SPMIP1: variants seen among roughly 807,000 people sequenced by gnomAD.
SPMIP1 encodes sperm microtubule inner protein 1.
At chr7:128,866,800 A>T in the SPMIP1 span, 4 of 1,534,736 alleles carry the variant, frequency 2.6e-6, no homozygotes, top group South Asian at 4.8e-5. Flanking sequence ...CTTCCCCATC[A>T]CCACCAGCTT....
the SPMIP1 span, among the ~76,000 whole-genome samples, chr7:128,867,527 G>C: frequency 6.6e-6 from 1 of 152,064 alleles, no homozygotes. Context: ...ATTGAAGTCA[G>C]AGCTGAAGAT....
At chr7:128,866,623 C>T in the SPMIP1 span, 2 of 1,535,332 alleles carry the variant, frequency 1.3e-6, no homozygotes, top group Middle Eastern at 1.7e-4. Context: ...CAAGTCAGCC[C>T]CTTCCAAGGT....
chr7:128,866,832 T>TGAGC, the SPMIP1 span: 1 of 1,530,902 alleles, frequency 6.5e-7, no homozygotes, highest in African/African-American at 1.4e-5. Flanking sequence ...GGCAGCTGGG[T>TGAGC]GAGCCCAACC....
chr7:128,866,837 C>G, the SPMIP1 span: 21 of 1,527,944 alleles, frequency 1.4e-5, no homozygotes, highest in Non-Finnish European at 1.8e-5. Context: ...CTGGGTGAGC[C>G]CAACCTCTTG....
chr7:128,869,866 G>C, the SPMIP1 span: 1 of 152,500 alleles, frequency 6.6e-6, no homozygotes, highest in African/African-American at 2.4e-5. Flanking sequence ...CCCGGTGCGG[G>C]GCCCACTCCA....
the SPMIP1 span, chr7:128,870,031 G>T: frequency 5.3e-5 from 8 of 152,210 alleles, no homozygotes; most frequent in African/African-American, 1.9e-4. Context: ...GGGGCTTCGG[G>T]CGGGTAAGCG....
chr7:128,868,126 G>A, the SPMIP1 span, among the ~76,000 whole-genome samples: 1 of 152,356 alleles, frequency 6.6e-6, no homozygotes, highest in East Asian at 1.9e-4. Context: ...GCTGCTGGGC[G>A]ATGTTGCTGC....
chr7:128,870,200 C>G, the SPMIP1 span: 1 of 152,478 alleles, frequency 6.6e-6, no homozygotes, highest in Non-Finnish European at 1.5e-5. Flanking sequence ...TTTCAGGGAC[C>G]CGCAGGAGTC....
chr7:128,866,804 C>A, the SPMIP1 span: 273 of 1,534,746 alleles, frequency 1.8e-4, no homozygotes, highest in Non-Finnish European at 2.2e-4. Flanking sequence ...CCCATCACCA[C>A]CAGCTTCACG....
At chr7:128,871,343 C>T in the SPMIP1 span, 1 of 152,216 alleles carries the variant, frequency 6.6e-6, no homozygotes, top group Non-Finnish European at 1.5e-5. Context: ...ACCGGCCACT[C>T]CCACTTTGCC....
the SPMIP1 span, chr7:128,866,597 C>T: frequency 6.9e-7 from 1 of 1,455,678 alleles, no homozygotes; most frequent in Admixed American, 2.0e-5. Flanking sequence ...GCCCCACTCT[C>T]ACCCCCACCC....
the SPMIP1 span, chr7:128,866,729 TC>T: frequency 2.6e-6 from 4 of 1,535,986 alleles, no homozygotes; most frequent in Non-Finnish European, 3.5e-6. Flanking sequence ...TCCCACGACT[TC>T]CAGGGGCGGT....
the SPMIP1 span, chr7:128,871,601 C>G: frequency 6.6e-6 from 1 of 152,332 alleles, no homozygotes; most frequent in Admixed American, 6.5e-5. Flanking sequence ...AGCTGTTCTG[C>G]ATCCATAAAA....
chr7:128,866,860 A>G, the SPMIP1 span: 1 of 1,512,682 alleles, frequency 6.6e-7, no homozygotes, highest in South Asian at 1.3e-5. Context: ...AATCACCTCA[A>G]AAACAGAGCA....
chr7:128,868,831 G>A, the SPMIP1 span: 19 of 1,225,754 alleles, frequency 1.6e-5, no homozygotes, highest in Middle Eastern at 1.9e-4. Context: ...GCCTCCTGGT[G>A]GGGCAAAGCT....
chr7:128,871,235 A>ACCACTCC, the SPMIP1 span: 1 of 152,320 alleles, frequency 6.6e-6, no homozygotes, highest in Non-Finnish European at 1.5e-5. Context: ...GCCAAGGCAG[A>ACCACTCC]CCACTCCAGA....
At chr7:128,866,587 G>GCCCCCCCCCCC in the SPMIP1 span, 3 of 1,508,498 alleles carry the variant, frequency 2.0e-6, no homozygotes, top group Non-Finnish European at 1.8e-6. Flanking sequence ...GCACCCCAAA[G>GCCCCCCCCCCC]CCCCACTCTC....
At chr7:128,868,840 CTGCTG>C in the SPMIP1 span, 1 of 1,121,616 alleles carries the variant, frequency 8.9e-7, no homozygotes, top group Non-Finnish European at 1.3e-6. Flanking sequence ...TGGGGCAAAG[CTGCTG>C]TGTGTGTCTG....
chr7:128,866,883 T>G, the SPMIP1 span: 1 of 1,476,618 alleles, frequency 6.8e-7, no homozygotes, highest in Non-Finnish European at 9.0e-7. Context: ...AGCCATGTGC[T>G]AGGGAGTGGG....
Sources: allele counts gnomAD v4.1 joint callset (sites outside exome capture counted in the v4.1 genomes callset), GRCh38; gene constraint gnomAD v4.1.1; transcripts MANE v1.5; gene names NCBI Gene and HGNC (gene_info 2026-07-23, HGNC 2026-07-21).